The following CDRT4 variants were observed in gnomAD, a reference collection of about 807,000 sequenced individuals.
CDRT4 encodes the protein CMT1A duplicated region transcript 4.
For synonymous variants in CDRT4, 64 were observed against 69.6 expected, an observed-to-expected ratio of 0.92 and a Z score of 0.40; for missense variants, 167 against 193.1, an observed-to-expected ratio of 0.87 and a Z score of 0.80.
Position 15,436,123 on chromosome 17 carries a change from G to T in CDRT4, c.*1650C>A, listed in dbSNP as rs1376802215. 5.9e-5 allele frequency: 9 copies of T among 152,146 alleles called. No homozygotes were observed. The highest frequency in any genetic ancestry group is 5.9e-4 in the Admixed American group (9 of 15,272). The allele number at this position is 152,146 out of a possible 1,614,324, so 9.4% of individuals were successfully genotyped here. ...CTGGAAACCACCTATATTTTTCGAA[G>T]AATTCATTCTGGCCAACAGTTGGGA... On this transcript the variant is annotated 3_prime_UTR_variant, in exon 4 of 4. Transcript: ENST00000619038.
intron 1 of CDRT4, among the ~76,000 whole-genome samples, chr17:15,459,399 T>C (rs779733008): frequency 4.6e-5 from 7 of 151,704 alleles, no homozygotes; most frequent in Non-Finnish European, 7.4e-5. Context: ...AAGGAACGTA[T>C]ACAGCCAGGC....
At chr17:15,444,303 G>A in intron 2 of CDRT4, 2 of 478,316 alleles carry the variant, frequency 4.2e-6, no homozygotes, top group Non-Finnish European at 7.5e-6. Context: ...AAAAATGTCT[G>A]GAAATTAAAA....
intron 1 of CDRT4, among the ~76,000 whole-genome samples, chr17:15,460,734 C>T (rs1296112441): frequency 6.6e-6 from 1 of 152,156 alleles, no homozygotes; most frequent in African/African-American, 2.4e-5. Flanking sequence ...TTTCTAAAAC[C>T]TGCACCAGTA....
intron 2 of CDRT4, among the ~76,000 whole-genome samples, chr17:15,444,714 CAGAGAGAGAG>C (rs59581257): frequency 1.5e-5 from 2 of 135,854 alleles, no homozygotes; most frequent in African/African-American, 5.9e-5. Context: ...TAGCCAAGCG[CAGAGAGAGAG>C]AGAGAGAGAG....
intron 1 of CDRT4, among the ~76,000 whole-genome samples, chr17:15,455,481 A>T (rs1409566826): frequency 1.3e-5 from 2 of 152,226 alleles, no homozygotes; most frequent in Non-Finnish European, 2.9e-5. Context: ...TCCTTGTGAA[A>T]TCCCCTCCCC....
rs3029212 is a variant in CDRT4 at position 15,456,563 on chromosome 17, TACACAC to T, written c.-129-3484_-129-3479del. ...AGGAAGATTGCCGCTAATCTTCCTT[TACACAC>T]ACACACACACACACACACACACACA... On this transcript the variant is annotated intron_variant, in intron 1 of 3. Coordinates refer to ENST00000619038, the MANE Select transcript of CDRT4 (RefSeq NM_001204477.2). Among the ~76,000 whole-genome samples, 422 of 145,712 alleles carry T rather than the reference TACACAC, an allele frequency of 2.9e-3. 3 individuals carry two copies. The highest frequency in any genetic ancestry group is 9.4e-3 in the African/African-American group (369 of 39,166).
At chr17:15,462,289 G>A (rs1322128957) in intron 1 of CDRT4, among the ~76,000 whole-genome samples, 2 of 151,906 alleles carry the variant, frequency 1.3e-5, no homozygotes, top group Non-Finnish European at 2.9e-5. Context: ...TTAGCCAGCC[G>A]TGGTGGCGGG....
intron 1 of CDRT4, among the ~76,000 whole-genome samples, chr17:15,466,826 CCTT>C (rs1320968278): frequency 6.6e-6 from 1 of 152,164 alleles, no homozygotes; most frequent in Admixed American, 6.5e-5. Context: ...GCCTCAGCCT[CCTT>C]AAGTGGTGGG....
chr17:15,463,560 G>A (rs1308962472), intron 1 of CDRT4, among the ~76,000 whole-genome samples: 2 of 152,262 alleles, frequency 1.3e-5, no homozygotes, highest in Admixed American at 6.5e-5. Flanking sequence ...CTTGGTGTCC[G>A]GTTTCAGCTA....
At chr17:15,445,426 A>G (rs1978981075) in intron 2 of CDRT4, among the ~76,000 whole-genome samples, 2 of 152,180 alleles carry the variant, frequency 1.3e-5, no homozygotes, top group Admixed American at 6.5e-5. Context: ...TCAGAGTCTG[A>G]TATATGTTAA....
chr17:15,437,538 C>A lies in CDRT4; in HGVS notation c.*235G>T. The A allele has an allele frequency of 1.8e-6, 1 of 569,338 alleles. No individual in the cohort carries two copies. Among genetic ancestry groups the A allele is most frequent in the Non-Finnish European group, 3.1e-6 (1 of 321,128 alleles). The allele number at this position is 569,338 out of a possible 1,614,324, so 35.3% of individuals were successfully genotyped here. ...TGAGAATCTGCAGCAGAGACTAGAGCCAGGGACTGCCCAAACCCACCAGAG... is the reference window on the plus strand; with the variant it reads ...TGAGAATCTGCAGCAGAGACTAGAGACAGGGACTGCCCAAACCCACCAGAG... On this transcript the variant is annotated 3_prime_UTR_variant, in exon 4 of 4. Coordinates refer to ENST00000619038, the MANE Select transcript of CDRT4 (RefSeq NM_001204477.2).
intron 2 of CDRT4, among the ~76,000 whole-genome samples, chr17:15,441,596 A>G (rs1007376939): frequency 1.3e-5 from 2 of 152,160 alleles, no homozygotes; most frequent in African/African-American, 4.8e-5. Context: ...TAATCAAGGA[A>G]CTATTGTGGA....
chr17:15,438,075 C>T lies in CDRT4; in HGVS notation c.157G>A (p.Glu53Lys), dbSNP rs1185944103. The T allele has an allele frequency of 1.2e-6, 2 of 1,614,006 alleles. No homozygotes were observed. Among genetic ancestry groups the T allele is most frequent in the African/African-American group, 1.3e-5 (1 of 74,902 alleles). The change falls in exon 4 of 4, where the codon GAA (glutamate) becomes AAA (lysine). Residue 53 changes from glutamate to lysine, a missense_variant. By Grantham distance (56) the Glu-to-Lys change is moderately conservative (BLOSUM62 1). Coordinates refer to ENST00000619038, the MANE Select transcript of CDRT4 (RefSeq NM_001204477.2). ...CTTTCCTCGAGGGCACGCATGCATTCCAGTTCTCTAGTTTTGCTTTTCTCA... is the reference window on the plus strand; with the variant it reads ...CTTTCCTCGAGGGCACGCATGCATTTCAGTTCTCTAGTTTTGCTTTTCTCA... ...LIEKSKTREL[E>K]CMRALEERPW...
intron 3 of CDRT4, 22 bp downstream of exon 3, chr17:15,440,186 C>G (rs2150784708): frequency 6.2e-7 from 1 of 1,613,548 alleles, no homozygotes; most frequent in East Asian, 2.2e-5. Flanking sequence ...GGAGCTTCCA[C>G]TGGTAACACT....
At chr17:15,453,540 C>T (rs546620645) in intron 1 of CDRT4, among the ~76,000 whole-genome samples, 37 of 152,270 alleles carry the variant, frequency 2.4e-4, no homozygotes, top group African/African-American at 7.0e-4. Context: ...CTGTGGCATC[C>T]TCTCCCCAAC....
chr17:15,446,780 T>A (rs537542597), intron 2 of CDRT4, among the ~76,000 whole-genome samples: 2 of 152,294 alleles, frequency 1.3e-5, no homozygotes, highest in South Asian at 4.2e-4. Flanking sequence ...TACTGATTCA[T>A]CACTTATGAT....
chr17:15,441,068 C>T (rs1229275462), intron 2 of CDRT4, among the ~76,000 whole-genome samples: 2 of 152,226 alleles, frequency 1.3e-5, no homozygotes, highest in East Asian at 1.9e-4. Flanking sequence ...AAGACACATG[C>T]GTATGCCTAA....
chr17:15,448,966 T>A (rs1230242992), intron 2 of CDRT4, among the ~76,000 whole-genome samples: 3 of 152,154 alleles, frequency 2.0e-5, no homozygotes, highest in African/African-American at 7.2e-5. Context: ...TTCCTCTCAG[T>A]CTCCACCACC....
At chr17:15,444,228 G>T in intron 2 of CDRT4, 3 of 751,220 alleles carry the variant, frequency 4.0e-6, no homozygotes, top group South Asian at 1.5e-5. Context: ...ACAAGATGCC[G>T]GATGATTCCT....
Sources: gnomAD v4.1 joint callset for allele counts (sites outside exome capture counted in the v4.1 genomes callset) on GRCh38, gnomAD v4.1.1 for gene constraint, MANE v1.5 for transcripts, NCBI Gene and HGNC (gene_info 2026-07-23, HGNC 2026-07-21) for gene names.